The following ZNF432 variants were observed in gnomAD, a reference collection of about 807,000 sequenced individuals.
ZNF432 encodes the protein zinc finger protein 432.
In ZNF432, 10 loss-of-function variants were observed where a neutral mutation model predicts 13.9. The observed-to-expected ratio is 0.72, with a 90% CI of 0.44 to 1.22. ZNF432 has a LOEUF of 1.22. Ranked by LOEUF, ZNF432 falls within the 50% of genes most tolerant of loss-of-function variation. The pLI is 0.00. For missense variants in ZNF432, 793 were observed against 796.2 expected (o/e 1.00, Z 0.05); for synonymous variants, 247 against 256.2 (o/e 0.96, Z 0.34).
chr19:52,048,128 AACAC>A (rs3138637), intron 1 of ZNF432, among the ~76,000 whole-genome samples: 4,622 of 103,314 alleles, frequency 0.045, 115 homozygotes, highest in Non-Finnish European at 0.057. Flanking sequence ...GTTTGAGCTC[AACAC>A]ACACACACAC....
In ZNF432 at chr19:52,033,475, C is replaced by A; in HGVS notation, c.*245G>T. On this transcript the variant is annotated 3_prime_UTR_variant, in exon 5 of 5. Transcript: ENST00000221315. ...TGAAGGTTGACAAATGAAAGGTTACCCCCAATCCACAGACTCTCTCTCAGA... is the reference window on the plus strand; with the variant it reads ...TGAAGGTTGACAAATGAAAGGTTACACCCAATCCACAGACTCTCTCTCAGA... 1 of 444,362 alleles carries A rather than the reference C, an allele frequency of 2.3e-6. No homozygotes were observed. The highest frequency in any genetic ancestry group is 3.9e-6 in the Non-Finnish European group (1 of 254,470). The allele number at this position is 444,362 out of a possible 1,614,324, so 27.5% of individuals were successfully genotyped here.
chr19:52,037,789 TA>T (rs74391730), intron 4 of ZNF432, among the ~76,000 whole-genome samples: 2,817 of 112,134 alleles, frequency 0.025, 36 homozygotes, highest in Admixed American at 0.031. Context: ...GACTCTACCT[TA>T]AAAAAAAAAA....
chr19:52,033,616 A>T lies in ZNF432; in HGVS notation c.*104T>A. On this transcript the variant is annotated 3_prime_UTR_variant, in exon 5 of 5. Transcript: ENST00000221315. ...GAATAACACTGGATTTTGAAATATG[A>T]TTTTTCATACTCAGTACACATGTAG... is the stretch of plus-strand genomic sequence containing the variant. 7.6e-7 allele frequency: 1 copy of T among 1,316,444 alleles called. No homozygotes were observed. Among genetic ancestry groups the T allele is most frequent in the East Asian group, 2.4e-5 (1 of 42,218 alleles). 81.5% of individuals were successfully genotyped at this position (1,316,444 alleles called of 1,614,324 possible).
At position 52,033,439 on chromosome 19, in the gene ZNF432, C is replaced by T. The variant is rs58817690; in HGVS notation, c.*281G>A. On this transcript the variant is annotated 3_prime_UTR_variant, in exon 5 of 5. Coordinates refer to ENST00000221315, the MANE Select transcript of ZNF432 (RefSeq NM_014650.4). The stretch of plus-strand genomic sequence containing the variant: ...TACACATTTGTCATGTGGACGTTGT[C>T]ATAGTTTTAATGAAGGTTGACAAAT... 0.16 allele frequency: 60,767 copies of T among 369,556 alleles called. 6,254 individuals carry two copies. Among genetic ancestry groups the T allele is most frequent in the East Asian group, 0.37 (7,523 of 20,500 alleles). The allele number at this position is 369,556 out of a possible 1,614,324, so 22.9% of individuals were successfully genotyped here.
intron 2 of ZNF432, among the ~76,000 whole-genome samples, chr19:52,046,646 A>G (rs551376505): frequency 6.6e-6 from 1 of 152,342 alleles, no homozygotes; most frequent in South Asian, 2.1e-4. Context: ...GAGCTAAGGT[A>G]ATGGAAAGGA....
rs1365899445 is a variant in ZNF432 at position 52,033,731 on chromosome 19, T to C, written c.1948A>G (p.Asn650Asp). 1 of 1,584,490 alleles carries C rather than the reference T, an allele frequency of 6.3e-7. No individual in the cohort carries two copies. The highest frequency in any genetic ancestry group is 1.2e-5 in the South Asian group (1 of 85,610). ...LIVHQRTHNG[N>D]KP ...TGTCCACTGCATTGTCAGGGTTTGT[T>C]TCCATTATGAGTTCGCTGATGTACA... is the stretch of plus-strand genomic sequence containing the variant. The change falls in exon 5 of 5, where the codon AAC (asparagine) becomes GAC (aspartate). Residue 650 changes from asparagine to aspartate, a missense_variant. Transcript: ENST00000221315.
At position 52,034,324 on chromosome 19, in the gene ZNF432, G is replaced by A; in HGVS notation, c.1355C>T (p.Thr452Ile). ...SMLIIHQRTH[T>I]GEKPYTCSEC... is the part of the protein sequence containing the mutation. ...ACTGCATGTGTAGGGCTTCTCTCCT[G>A]TATGAGTTCGCTGATGTATGATGAG... is the stretch of plus-strand genomic sequence containing the variant. Residue 452 changes from threonine (T) to isoleucine (I), a missense_variant, in exon 5 of 5, where the codon ACA becomes ATA. Coordinates refer to ENST00000221315, the MANE Select transcript of ZNF432 (RefSeq NM_014650.4). 6.2e-7 allele frequency: 1 copy of A among 1,613,864 alleles called. No individual in the cohort carries two copies. Among genetic ancestry groups the A allele is most frequent in the Admixed American group, 1.7e-5 (1 of 60,002 alleles).
intron 3 of ZNF432, 100 bp downstream of exon 3, chr19:52,041,380 A>G (rs1425305190): frequency 7.1e-7 from 1 of 1,412,824 alleles, no homozygotes; most frequent in Non-Finnish European, 9.4e-7. Context: ...CCAAAAATCT[A>G]ATATTCAGAG....
intron 4 of ZNF432, 168 bp downstream of exon 4, chr19:52,040,320 T>C (rs781133494): frequency 4.6e-6 from 3 of 652,910 alleles, no homozygotes; most frequent in Non-Finnish European, 8.3e-6. Context: ...GACAGATGTA[T>C]GGTACTAAAG....
Position 52,034,896 on chromosome 19 carries a change from A to G in ZNF432, c.783T>C (p.Phe261=), listed in dbSNP as rs1053118384. 2 of 1,613,660 alleles carry G rather than the reference A, an allele frequency of 1.2e-6. No homozygotes were observed. Among genetic ancestry groups the G allele is most frequent in the South Asian group, 1.1e-5 (1 of 90,906 alleles). ...HQRIHKREKS[F]ICSECGKVFT... ...AGACTTTTCCACATTCACTGCATAT[A>G]AAAGATTTCTCTCTTTTATGAATTC... Residue 261 remains phenylalanine, a synonymous_variant, in exon 5 of 5, where the codon TTT becomes TTC. Transcript: ENST00000221315.
chr19:52,042,912 C>T (rs1441516861), intron 2 of ZNF432, among the ~76,000 whole-genome samples: 3 of 152,180 alleles, frequency 2.0e-5, no homozygotes, highest in East Asian at 3.9e-4. Flanking sequence ...TAACAACTGA[C>T]TTCCACAGAA....
At chr19:52,040,624 G>A (rs1168168096) in intron 3 of ZNF432, 41 bp from the exon 4 acceptor site, 23 of 1,534,724 alleles carry the variant, frequency 1.5e-5, no homozygotes, top group Non-Finnish European at 1.9e-5. Flanking sequence ...CACTGGATTG[G>A]GCTGGGGTAT....
chr19:52,046,518 T>A (rs977381921), intron 2 of ZNF432, among the ~76,000 whole-genome samples: 3 of 152,046 alleles, frequency 2.0e-5, no homozygotes, highest in Non-Finnish European at 4.4e-5. Flanking sequence ...TTTCTTGAGA[T>A]CTAAGTGCCA....
chr19:52,040,524 T>C lies in ZNF432; in HGVS notation c.202A>G (p.Thr68Ala), dbSNP rs779243901. The C allele has an allele frequency of 7.4e-6, 12 of 1,614,054 alleles. No individual in the cohort carries two copies. The highest frequency in any genetic ancestry group is 9.3e-6 in the Non-Finnish European group (11 of 1,180,022). Residue 68 changes from threonine to alanine, a missense_variant, in exon 4 of 5, where the codon ACA becomes GCA. Physicochemically the swap from Thr to Ala is moderately conservative, Grantham distance 58. Transcript: ENST00000221315. Reference sequence around the variant, plus strand: ...CGACTGTGCCTTTCATCTTCCATTGTCCATGGTTCTTCTCCTCGTTCCAAC... The same window carrying C: ...CGACTGTGCCTTTCATCTTCCATTGCCCATGGTTCTTCTCCTCGTTCCAAC... ...SKLERGEEPW[T>A]MEDERHSRIC...
chr19:52,044,442 TAAAC>T (rs1354380019), intron 2 of ZNF432, among the ~76,000 whole-genome samples: 4 of 151,872 alleles, frequency 2.6e-5, no homozygotes, highest in African/African-American at 4.8e-5. Context: ...AAACAGATCA[TAAAC>T]AAAGCTGAAA....
intron 4 of ZNF432, among the ~76,000 whole-genome samples, chr19:52,037,304 C>T (rs1268085072): frequency 1.3e-5 from 2 of 152,176 alleles, no homozygotes; most frequent in African/African-American, 4.8e-5. Context: ...TAATGAACAA[C>T]TCCTATAGTC....
Position 52,034,024 on chromosome 19 carries a change from A to G in ZNF432, c.1655T>C (p.Met552Thr), listed in dbSNP as rs1008005624. The change falls in exon 5 of 5, where the codon ATG becomes ACG. Residue 552 changes from methionine (M) to threonine (T), a missense_variant. Physicochemically the swap from Met to Thr is moderately conservative, Grantham distance 81. Transcript: ENST00000221315. ...CTGATGTACAATGAGATAGCGTTTCATGGTGAAGCCTTTTCCACATTCACT... is the reference window on the plus strand; with the variant it reads ...CTGATGTACAATGAGATAGCGTTTCGTGGTGAAGCCTTTTCCACATTCACT... ...MCSECGKGFT[M>T]KRYLIVHQQI... The G allele has an allele frequency of 6.2e-7, 1 of 1,614,140 alleles. No individual in the cohort carries two copies. The highest frequency in any genetic ancestry group is 1.7e-5 in the Admixed American group (1 of 60,024).
chr19:52,035,842 T>A (rs1002661512), intron 4 of ZNF432, among the ~76,000 whole-genome samples: 1 of 152,196 alleles, frequency 6.6e-6, no homozygotes, highest in African/African-American at 2.4e-5. Context: ...CAGGTGTTTT[T>A]AAATATCGCT....
chr19:52,035,259 A>G lies in ZNF432; in HGVS notation c.420T>C (p.Asn140=), dbSNP rs2087067649. 2 of 1,604,762 alleles carry G rather than the reference A, an allele frequency of 1.2e-6. No homozygotes were observed. The highest frequency in any genetic ancestry group is 1.7e-6 in the Non-Finnish European group (2 of 1,177,416). Residue 140 remains asparagine, a synonymous_variant, in exon 5 of 5, where the codon AAT becomes AAC. Coordinates refer to ENST00000221315, the MANE Select transcript of ZNF432 (RefSeq NM_014650.4). ...FELYIKTLKS[N]LSLVNQNKSC... ...TTTTGTTCTGGTTGACTAAACTTAA[A>G]TTTGATTTCAAAGTTTTTATATATA...
Sources: gnomAD v4.1 joint callset for allele counts (sites outside exome capture counted in the v4.1 genomes callset) on GRCh38, gnomAD v4.1.1 for gene constraint, MANE v1.5 for transcripts, NCBI Gene and HGNC (gene_info 2026-07-23, HGNC 2026-07-21) for gene names.